Variants in CSMD1 observed in about 807,000 individuals in gnomAD.
CSMD1 encodes the protein CUB and Sushi multiple domains 1.
Under a neutral mutation model 417.5 loss-of-function variants are expected in CSMD1, and 213 were observed. The ratio of observed to expected loss-of-function variants is 0.51; its 90% CI spans 0.46 to 0.57. The LOEUF is 0.57. Among genes scored for constraint, CSMD1 ranks in the 20% least tolerant of loss-of-function variants. The pLI, the probability that CSMD1 is intolerant of heterozygous loss-of-function variation, is 0.00. For synonymous variants in CSMD1, 2,862 were observed against 1,736.8 expected, an observed-to-expected ratio of 1.65 and a Z score of -16.11; for missense variants, 6,923 against 4,529.7, an observed-to-expected ratio of 1.53 and a Z score of -15.17.
At chr8:3,437,292 G>C (rs1320355307) in intron 12 of CSMD1, among the ~76,000 whole-genome samples, 1 of 152,134 alleles carries the variant, frequency 6.6e-6, no homozygotes, top group African/African-American at 2.4e-5. Context: ...TGACGGAGCG[G>C]CTCTCAACAC....
intron 1 of CSMD1, among the ~76,000 whole-genome samples, chr8:4,769,279 A>T (rs1181461833): frequency 2.6e-5 from 4 of 152,210 alleles, no homozygotes; most frequent in Non-Finnish European, 5.9e-5. Flanking sequence ...GAGTGCCTGA[A>T]AGTACACCTG....
intron 23 of CSMD1, among the ~76,000 whole-genome samples, chr8:3,337,463 A>G (rs879776117): frequency 5.3e-5 from 8 of 152,144 alleles, no homozygotes; most frequent in Non-Finnish European, 8.8e-5. Context: ...GTTTATTTTG[A>G]TGGCTTCAAA....
intron 57 of CSMD1, among the ~76,000 whole-genome samples, chr8:2,970,530 G>C (rs1804366344): frequency 6.6e-6 from 1 of 152,172 alleles, no homozygotes; most frequent in Non-Finnish European, 1.5e-5. Flanking sequence ...TATAAAGTCT[G>C]AATAATTATT....
intron 3 of CSMD1, among the ~76,000 whole-genome samples, chr8:4,344,845 A>T (rs560600450): frequency 6.6e-6 from 1 of 152,290 alleles, no homozygotes; most frequent in East Asian, 1.9e-4. Flanking sequence ...GATCTTTGAG[A>T]ACCTTTAAAA....
chr8:3,098,438 T>G (rs1473901315), intron 46 of CSMD1, among the ~76,000 whole-genome samples: 1 of 152,198 alleles, frequency 6.6e-6, no homozygotes, highest in East Asian at 1.9e-4. Context: ...TAACATATAT[T>G]TTAAAATTTA....
rs562191144 is a variant in CSMD1, at chr8:4,337,405, C to G, written c.415+82548G>C. ...TCTTCAGTAAACAGGTATTTTGTTT[C>G]AGACTGCTTTTCTATCTTAGCCTTC... On this transcript the variant is annotated intron_variant, in intron 3 of 69. Coordinates refer to ENST00000635120, the MANE Select transcript of CSMD1 (RefSeq NM_033225.6). Among the ~76,000 whole-genome samples the G allele has an allele frequency of 2.1e-4, 32 of 152,214 alleles. No individual in the cohort carries two copies. In the South Asian group the frequency reaches 5.2e-3, roughly 25 times the overall value.
intron 5 of CSMD1, among the ~76,000 whole-genome samples, chr8:3,957,086 T>C (rs932038653): frequency 6.6e-6 from 1 of 151,972 alleles, no homozygotes; most frequent in Non-Finnish European, 1.5e-5. Flanking sequence ...AGGCTCTGTA[T>C]ATGTCTTTGG....
chr8:4,052,488 A>G (rs1798484661), intron 3 of CSMD1, among the ~76,000 whole-genome samples: 1 of 152,178 alleles, frequency 6.6e-6, no homozygotes, highest in Admixed American at 6.5e-5. Flanking sequence ...ACCCAGGGTC[A>G]GAGTGCAGTG....
At chr8:4,326,473 AG>A (rs1799569355) in intron 3 of CSMD1, among the ~76,000 whole-genome samples, 1 of 152,192 alleles carries the variant, frequency 6.6e-6, no homozygotes. Flanking sequence ...GCTTGACATA[AG>A]GAAGTATCAA....
intron 5 of CSMD1, among the ~76,000 whole-genome samples, chr8:3,897,528 G>A (rs1249536393): frequency 6.6e-6 from 1 of 151,586 alleles, no homozygotes; most frequent in Non-Finnish European, 1.5e-5. Flanking sequence ...TAAAGCCTGT[G>A]TACACTATAA....
intron 52 of CSMD1, among the ~76,000 whole-genome samples, chr8:3,010,504 C>T (rs902039622): frequency 2.6e-5 from 4 of 152,116 alleles, no homozygotes; most frequent in Non-Finnish European, 5.9e-5. Flanking sequence ...CCAGCACCTG[C>T]TTGTTTCAGG....
chr8:3,575,888 G>C (rs1410272219), intron 9 of CSMD1, among the ~76,000 whole-genome samples: 1 of 151,438 alleles, frequency 6.6e-6, no homozygotes, highest in Non-Finnish European at 1.5e-5. Context: ...GAAATATAAT[G>C]TCAGCAGAGA....
At chr8:4,758,269 T>C (rs1175035750) in intron 1 of CSMD1, among the ~76,000 whole-genome samples, 4 of 152,214 alleles carry the variant, frequency 2.6e-5, no homozygotes, top group South Asian at 4.1e-4. Flanking sequence ...AGGATTTATA[T>C]TTCAGCTGTT....
chr8:4,059,984 CA>C (rs1448918273), intron 3 of CSMD1, among the ~76,000 whole-genome samples: 3 of 152,074 alleles, frequency 2.0e-5, no homozygotes, highest in Non-Finnish European at 4.4e-5. Context: ...GGCAGAGACA[CA>C]GCCAAAAAAG....
chr8:3,891,358 T>A (rs959171842), intron 5 of CSMD1, among the ~76,000 whole-genome samples: 1 of 152,130 alleles, frequency 6.6e-6, no homozygotes, highest in Non-Finnish European at 1.5e-5. Context: ...CCTGAGCAGG[T>A]TCTTGAAATT....
intron 42 of CSMD1, among the ~76,000 whole-genome samples, chr8:3,118,174 G>C (rs1816977687): frequency 1.3e-5 from 2 of 152,006 alleles, no homozygotes; most frequent in Non-Finnish European, 2.9e-5. Context: ...TTACTATTTT[G>C]CCATCCTTAT....
At chr8:4,263,272 C>G (rs1804009644) in intron 3 of CSMD1, among the ~76,000 whole-genome samples, 1 of 152,068 alleles carries the variant, frequency 6.6e-6, no homozygotes. Context: ...GGTTAGATTT[C>G]TTAAACAAAA....
chr8:3,550,980 G>A (rs187475152), intron 10 of CSMD1, among the ~76,000 whole-genome samples: 244 of 149,180 alleles, frequency 1.6e-3, no homozygotes, highest in Non-Finnish European at 2.9e-3. Flanking sequence ...GAAGTGAACA[G>A]TCAGACCCCT....
intron 1 of CSMD1, among the ~76,000 whole-genome samples, chr8:4,649,850 A>G (rs183219509): frequency 4.6e-4 from 70 of 152,326 alleles, no homozygotes; most frequent in African/African-American, 1.6e-3. Context: ...TTATGCCTTT[A>G]ACAAATAAAA....
Sources: allele counts gnomAD v4.1 joint callset (sites outside exome capture counted in the v4.1 genomes callset), GRCh38; gene constraint gnomAD v4.1.1; transcripts MANE v1.5; gene names NCBI Gene and HGNC (gene_info 2026-07-23, HGNC 2026-07-21).